ATP8A2: variants seen among roughly 807,000 people sequenced by gnomAD.
The protein encoded by ATP8A2 is phospholipid-transporting ATPase IB.
ATP8A2 carries 100 observed loss-of-function variants against 165.6 expected under a neutral mutation model. That is an observed-to-expected ratio of 0.60 (90% CI 0.51 to 0.71). The LOEUF is 0.71. ATP8A2 is among the 30% of genes least tolerant of loss of function. The probability of loss-of-function intolerance (pLI) is 0.00; values close to 1 mark genes in which losing one functional copy is unlikely to be tolerated. For synonymous variants in ATP8A2, 543 were observed against 548.8 expected (o/e 0.99, Z 0.15); for missense variants, 1,227 against 1,479.5 (o/e 0.83, Z 2.80).
At chr13:25,623,959 A>G (rs971991945) in intron 24 of ATP8A2, among the ~76,000 whole-genome samples, 13 of 152,124 alleles carry the variant, frequency 8.5e-5, no homozygotes, top group East Asian at 5.8e-4. Flanking sequence ...ACATATATCT[A>G]TATTGTGTGT....
intron 33 of ATP8A2, among the ~76,000 whole-genome samples, chr13:25,946,094 C>T (rs1339889160): frequency 6.6e-6 from 1 of 152,086 alleles, no homozygotes; most frequent in Non-Finnish European, 1.5e-5. Flanking sequence ...AAATGAGGCA[C>T]GGAGAGGTTA....
chr13:25,425,078 A>G (rs2034406787), intron 1 of ATP8A2, among the ~76,000 whole-genome samples: 1 of 152,176 alleles, frequency 6.6e-6, no homozygotes. Flanking sequence ...TCTAGCTACT[A>G]GTGGTTTTTA....
At chr13:25,450,291 A>G (rs1566141564) in intron 1 of ATP8A2, among the ~76,000 whole-genome samples, 1 of 152,196 alleles carries the variant, frequency 6.6e-6, no homozygotes, top group Non-Finnish European at 1.5e-5. Context: ...ACATGCGTGC[A>G]TGTGTCTTTA....
At chr13:25,812,307 C>A (rs1399726372) in intron 27 of ATP8A2, among the ~76,000 whole-genome samples, 1 of 150,256 alleles carries the variant, frequency 6.7e-6, no homozygotes, top group Admixed American at 6.7e-5. Context: ...GCACCCTCTC[C>A]TCCAGTCCCT....
In ATP8A2 at chr13:25,860,246, T is replaced by G. The variant is rs751847177; in HGVS notation, c.3008T>G (p.Ile1003Ser). Residue 1003 changes from isoleucine (I) to serine (S), a missense_variant, in exon 31 of 37, where the codon ATT becomes AGT. Ile to Ser is a moderately radical substitution (Grantham distance 142). This residue lies in a region of ATP8A2 where 260 missense variants were observed against 245.1 expected (regional missense o/e 1.06). Coordinates refer to ENST00000381655, the MANE Select transcript of ATP8A2 (RefSeq NM_016529.6). ...ACCGACTATTTATTTGTTGGAAATA[T>G]TGTTTACACAGTAAGTTTATCTCTG... is the stretch of plus-strand genomic sequence containing the variant. ...HATDYLFVGN[I>S]VYTYVVVTVC... is the part of the protein sequence containing the mutation. The G allele has an allele frequency of 6.2e-7, 1 of 1,609,142 alleles. No homozygotes were observed. Among genetic ancestry groups the G allele is most frequent in the Admixed American group, 1.7e-5 (1 of 59,960 alleles).
chr13:25,373,157 T>C (rs1341661674), intron 1 of ATP8A2, among the ~76,000 whole-genome samples: 5 of 152,206 alleles, frequency 3.3e-5, no homozygotes, highest in Non-Finnish European at 5.9e-5. Context: ...AATGATTTCT[T>C]ACCGTTTCAG....
chr13:25,896,808 G>C (rs1040836818), intron 33 of ATP8A2, among the ~76,000 whole-genome samples: 1 of 152,040 alleles, frequency 6.6e-6, no homozygotes, highest in African/African-American at 2.4e-5. Context: ...TGTCTCTTTT[G>C]ATCTTTGTTG....
chr13:25,991,496 C>G (rs1179675130), intron 35 of ATP8A2, among the ~76,000 whole-genome samples: 11 of 152,168 alleles, frequency 7.2e-5, no homozygotes, highest in African/African-American at 2.7e-4. Flanking sequence ...TATAGGTACC[C>G]CTACTTTCTA....
intron 1 of ATP8A2, among the ~76,000 whole-genome samples, chr13:25,412,294 G>A (rs1484592257): frequency 2.0e-5 from 3 of 149,524 alleles, no homozygotes; most frequent in Non-Finnish European, 4.5e-5. Flanking sequence ...GGATACCTAG[G>A]ATGCCATAAA....
chr13:25,713,970 C>G (rs1337059863), intron 25 of ATP8A2, among the ~76,000 whole-genome samples: 2 of 152,062 alleles, frequency 1.3e-5, no homozygotes, highest in Non-Finnish European at 2.9e-5. Context: ...CAATTAGATG[C>G]CTTTGATCTT....
intron 27 of ATP8A2, among the ~76,000 whole-genome samples, chr13:25,818,428 A>G (rs1248831094): frequency 1.3e-5 from 2 of 152,244 alleles, no homozygotes; most frequent in South Asian, 4.1e-4. Context: ...TGTTTTAAAA[A>G]TTACTTTTAA....
chr13:25,977,035 A>ACCCCCC (rs1956061270), intron 35 of ATP8A2, among the ~76,000 whole-genome samples: 1 of 61,142 alleles, frequency 1.6e-5, no homozygotes, highest in Admixed American at 1.8e-4. Context: ...ATCCACCCCC[A>ACCCCCC]CCCCCACCCC....
intron 27 of ATP8A2, among the ~76,000 whole-genome samples, chr13:25,814,913 A>G (rs1175100460): frequency 3.9e-5 from 6 of 152,042 alleles, no homozygotes; most frequent in Non-Finnish European, 8.8e-5. Flanking sequence ...CCAGCTACTC[A>G]TGGGGATGAG....
At chr13:25,516,071 T>G (rs1414752556) in intron 2 of ATP8A2, among the ~76,000 whole-genome samples, 1 of 152,214 alleles carries the variant, frequency 6.6e-6, no homozygotes, top group South Asian at 2.1e-4. Flanking sequence ...CGGATAGATA[T>G]GGCTTTCTAC....
chr13:25,675,109 G>GT lies in ATP8A2; in HGVS notation c.2212-24061dup, dbSNP rs546532709. Among the ~76,000 whole-genome samples, 93 of 152,272 alleles carry GT rather than the reference G, an allele frequency of 6.1e-4. 1 individual carries two copies. The highest frequency in any genetic ancestry group is 1.3e-3 in the Non-Finnish European group (86 of 68,024). On this transcript the variant is annotated intron_variant, in intron 24 of 36. Coordinates refer to ENST00000381655, the MANE Select transcript of ATP8A2 (RefSeq NM_016529.6). ...GCTTGTCTGAGTGTACAGCTAGATT[G>GT]TTTGCCTTTTGTAAAGGTGAGCATA...
intron 6 of ATP8A2, 37 bp from the exon 7 acceptor site, chr13:25,537,951 C>G: frequency 6.8e-7 from 1 of 1,461,870 alleles, no homozygotes; most frequent in Non-Finnish European, 9.5e-7. Flanking sequence ...TGTTTCTTTT[C>G]TTTCGTGCCC....
intron 33 of ATP8A2, among the ~76,000 whole-genome samples, chr13:25,881,916 G>A (rs1321743176): frequency 2.0e-5 from 3 of 152,154 alleles, no homozygotes; most frequent in African/African-American, 7.2e-5. Flanking sequence ...TGGGTGATAC[G>A]CCATGCCACC....
At chr13:25,528,848 CAT>C (rs1566225125) in intron 2 of ATP8A2, among the ~76,000 whole-genome samples, 2 of 141,694 alleles carry the variant, frequency 1.4e-5, no homozygotes, top group African/African-American at 5.4e-5. Flanking sequence ...TGTATGCACA[CAT>C]ATGCAACATG....
intron 33 of ATP8A2, among the ~76,000 whole-genome samples, chr13:25,899,023 CTGCACCCACTGTCT>C (rs1464881272): frequency 1.3e-5 from 2 of 152,228 alleles, no homozygotes; most frequent in African/African-American, 4.8e-5. Context: ...GCATGGTGCC[CTGCACCCACTGTCT>C]TGCACCCACT....
Sources: gnomAD v4.1 joint callset for allele counts (sites outside exome capture counted in the v4.1 genomes callset) on GRCh38, gnomAD v4.1.1 for gene constraint, gnomAD v4.1.1 regional missense constraint, MANE v1.5 for transcripts, NCBI Gene and HGNC (gene_info 2026-07-23, HGNC 2026-07-21) for gene names.